The following ALDH1A2 variants were observed in gnomAD, a reference collection of about 807,000 sequenced individuals.
ALDH1A2 encodes retinal dehydrogenase 2.
A neutral mutation model predicts 60.3 loss-of-function variants in ALDH1A2; 27 were observed. The observed-to-expected ratio is 0.45, with a 90% CI of 0.33 to 0.62. ALDH1A2 has a LOEUF of 0.62. Ranked by LOEUF, ALDH1A2 falls within the 20% of genes least tolerant of loss-of-function variation. The pLI, the probability that ALDH1A2 is intolerant of heterozygous loss-of-function variation, is 0.02. For missense variants in ALDH1A2, 581 were observed against 643.8 expected, an observed-to-expected ratio of 0.90 and a Z score of 1.06; for synonymous variants, 289 against 232.4, an observed-to-expected ratio of 1.24 and a Z score of -2.21.
chr15:58,000,999 G>T, intron 4 of ALDH1A2, among the ~76,000 whole-genome samples: 1 of 122,864 alleles, frequency 8.1e-6, no homozygotes. Context: ...TAGTGTAGGA[G>T]AATCTGATCT....
rs1566966281 is a variant in ALDH1A2 at position 58,065,649 on chromosome 15, A to ATCT, written c.1_2insAGA (p.Ser1_?0). The ATCT allele has an allele frequency of 1.9e-6, 3 of 1,590,308 alleles. No individual in the cohort carries two copies. The highest frequency in any genetic ancestry group is 1.3e-5 in the African/African-American group (1 of 74,292). ...GGGCATCTCTATCTTGCTGGAAGTC[A>ATCT]TGGTGGCGGGCCGGGTGTCCCTAGC... On this transcript the variant is annotated start_lost and start_retained_variant, in exon 1 of 13. Coordinates refer to ENST00000249750, the MANE Select transcript of ALDH1A2 (RefSeq NM_003888.4).
At position 57,962,088 on chromosome 15, in the gene ALDH1A2, A is replaced by C; in HGVS notation, c.1175T>G (p.Leu392Arg). ...GAKLECGGKG[L>R]GRKGFFIEPT... The stretch of plus-strand genomic sequence containing the variant: ...CTCAATGAAAAACCCCTTTCGGCCC[A>C]GTCCTTTGCCTCCACATTCCAGCTT... Residue 392 changes from leucine to arginine, a missense_variant, in exon 10 of 13, where the codon CTG becomes CGG. By Grantham distance (102) the Leu-to-Arg change is moderately radical. This residue lies in a region of ALDH1A2 where 375 missense variants were observed against 469.7 expected (regional missense o/e 0.80). Coordinates refer to ENST00000249750, the MANE Select transcript of ALDH1A2 (RefSeq NM_003888.4). 6.2e-7 allele frequency: 1 copy of C among 1,614,198 alleles called. No individual in the cohort carries two copies. The highest frequency in any genetic ancestry group is 8.5e-7 in the Non-Finnish European group (1 of 1,180,026).
intron 1 of ALDH1A2, among the ~76,000 whole-genome samples, chr15:58,047,575 T>C (rs1309174102): frequency 2.0e-5 from 3 of 152,004 alleles, no homozygotes; most frequent in Non-Finnish European, 4.4e-5. Context: ...TGGCACTCTG[T>C]AAGGCTGGTG....
chr15:58,041,958 A>C (rs1453785906), intron 1 of ALDH1A2, among the ~76,000 whole-genome samples: 1 of 151,946 alleles, frequency 6.6e-6, no homozygotes, highest in African/African-American at 2.4e-5. Flanking sequence ...GATGTCTCTC[A>C]AAATATCTTA....
At chr15:58,034,844 C>A (rs1323862789) in intron 1 of ALDH1A2, among the ~76,000 whole-genome samples, 2 of 151,394 alleles carry the variant, frequency 1.3e-5, no homozygotes, top group East Asian at 1.9e-4. Context: ...GTGTATAATT[C>A]TTTTTATACA....
chr15:58,035,089 G>A (rs1896343019), intron 1 of ALDH1A2, among the ~76,000 whole-genome samples: 1 of 151,558 alleles, frequency 6.6e-6, no homozygotes, highest in Admixed American at 6.6e-5. Flanking sequence ...TGGACTTAGT[G>A]CTTTCTTTTT....
chr15:57,971,668 C>T (rs1378358583), intron 7 of ALDH1A2, among the ~76,000 whole-genome samples: 1 of 152,170 alleles, frequency 6.6e-6, no homozygotes, highest in Admixed American at 6.5e-5. Context: ...AAGGGGTCCT[C>T]CTGCCTAGGC....
rs139785128 is a variant in ALDH1A2 at position 57,955,251 on chromosome 15, C to T, written c.1503G>A (p.Arg501=). 2,041 of 1,614,060 alleles carry T rather than the reference C, an allele frequency of 1.3e-3. 7 individuals carry two copies. The highest frequency in any genetic ancestry group is 4.1e-3 in the Middle Eastern group (25 of 6,056). ...TCACCGTCTTAACTTCTGAGTACTCCCGCAAGCCAAATTCTCCCCTGAAAC... is the reference window on the plus strand; with the variant it reads ...TCACCGTCTTAACTTCTGAGTACTCTCGCAAGCCAAATTCTCCCCTGAAAC... ...NGREMGEFGL[R]EYSEVKTVTV... is the part of the protein sequence containing the mutation. Residue 501 remains arginine (R), a synonymous_variant, in exon 13 of 13, where the codon CGG becomes CGA. Coordinates refer to ENST00000249750, the MANE Select transcript of ALDH1A2 (RefSeq NM_003888.4).
intron 1 of ALDH1A2, among the ~76,000 whole-genome samples, chr15:58,061,610 C>CAAAAAAAAAAAAAAAAAAAAAAAAA (rs1216992550): frequency 2.0e-5 from 2 of 100,356 alleles, no homozygotes; most frequent in Non-Finnish European, 4.2e-5. Context: ...AAAAAAAAAA[C>CAAAAAAAAAAAAAAAAAAAAAAAAA]AAAAAAAAAA....
chr15:57,992,132 A>T (rs1470174956), intron 7 of ALDH1A2, among the ~76,000 whole-genome samples: 1 of 152,364 alleles, frequency 6.6e-6, no homozygotes, highest in Admixed American at 6.5e-5. Flanking sequence ...ATAAACTTTA[A>T]TTGGCACATA....
chr15:57,975,961 A>G (rs1268434767), intron 7 of ALDH1A2, among the ~76,000 whole-genome samples: 1 of 152,196 alleles, frequency 6.6e-6, no homozygotes, highest in Admixed American at 6.5e-5. Flanking sequence ...CAAATTGTAC[A>G]CTTTAAATAA....
At chr15:58,050,504 A>G (rs112195481) in intron 1 of ALDH1A2, among the ~76,000 whole-genome samples, 1,588 of 152,274 alleles carry the variant, frequency 0.01, 26 homozygotes, top group African/African-American at 0.036. Context: ...AATTTCACTA[A>G]AAATCATTTA....
At position 57,964,068 on chromosome 15, in the gene ALDH1A2, C is replaced by G. The variant is rs1382221127; in HGVS notation, c.903G>C (p.Leu301Phe). 3 of 1,613,978 alleles carry G rather than the reference C, an allele frequency of 1.9e-6. No individual in the cohort carries two copies. The highest frequency in any genetic ancestry group is 2.5e-6 in the Non-Finnish European group (3 of 1,179,978). Residue 301 changes from leucine to phenylalanine, a missense_variant and splice_region_variant, in exon 9 of 13, where the codon TTG (leucine) becomes TTC (phenylalanine). Leu to Phe is a conservative substitution (Grantham distance 22, BLOSUM62 0). Transcript: ENST00000249750. ...GGTGGGCCTGCTCCACAGCATAGTCCACTACAAGAGGAAACAGCCATGTTC... is the reference window on the plus strand; with the variant it reads ...GGTGGGCCTGCTCCACAGCATAGTCGACTACAAGAGGAAACAGCCATGTTC... Reference protein sequence around the residue: ...SPNIIFADADLDYAVEQAHQG... With the variant: ...SPNIIFADADFDYAVEQAHQG...
chr15:58,048,169 C>G (rs545583436), intron 1 of ALDH1A2, among the ~76,000 whole-genome samples: 1 of 151,022 alleles, frequency 6.6e-6, no homozygotes, highest in South Asian at 2.1e-4. Flanking sequence ...AGTACAAGGT[C>G]AAAAAAAATG....
intron 1 of ALDH1A2, among the ~76,000 whole-genome samples, chr15:58,053,893 T>C (rs1896834539): frequency 6.6e-6 from 1 of 152,166 alleles, no homozygotes; most frequent in Non-Finnish European, 1.5e-5. Context: ...CCAACACGTG[T>C]AGTCTTTTAA....
chr15:57,972,978 A>G (rs1894120752), intron 7 of ALDH1A2, among the ~76,000 whole-genome samples: 1 of 152,172 alleles, frequency 6.6e-6, no homozygotes, highest in Non-Finnish European at 1.5e-5. Flanking sequence ...GCAACATGAC[A>G]TTTATCTCAC....
chr15:58,026,423 G>A (rs1388647571), intron 1 of ALDH1A2, among the ~76,000 whole-genome samples: 2 of 152,148 alleles, frequency 1.3e-5, no homozygotes, highest in African/African-American at 4.8e-5. Flanking sequence ...AATAGTAAGA[G>A]CTCTGGTCTG....
At chr15:57,966,311 C>T (rs1893896598) in intron 7 of ALDH1A2, among the ~76,000 whole-genome samples, 1 of 152,200 alleles carries the variant, frequency 6.6e-6, no homozygotes. Context: ...TACACCTTTG[C>T]CTCTGCCTAG....
chr15:57,997,488 G>A (rs1253980003), intron 4 of ALDH1A2, among the ~76,000 whole-genome samples: 2 of 151,892 alleles, frequency 1.3e-5, no homozygotes, highest in African/African-American at 4.8e-5. Flanking sequence ...GAAAAAAATT[G>A]GAAGATGAAC....
Sources: gnomAD v4.1 joint callset for allele counts (sites outside exome capture counted in the v4.1 genomes callset) on GRCh38, gnomAD v4.1.1 for gene constraint, gnomAD v4.1.1 regional missense constraint, MANE v1.5 for transcripts, NCBI Gene and HGNC (gene_info 2026-07-23, HGNC 2026-07-21) for gene names.